The following PBX1 variants were observed in gnomAD, a reference collection of about 807,000 sequenced individuals.
PBX1 encodes the protein PBX homeobox 1.
Under a neutral mutation model 53.4 loss-of-function variants are expected in PBX1, and 6 were observed. The ratio of observed to expected loss-of-function variants is 0.11; its 90% CI spans 0.06 to 0.22. The LOEUF is 0.22. Ranked by LOEUF, PBX1 falls within the 10% of genes least tolerant of loss-of-function variation. PBX1 has a pLI of 1.00. For missense variants in PBX1, 251 were observed against 551.4 expected (o/e 0.46, Z 5.46); for synonymous variants, 204 against 212.3 (o/e 0.96, Z 0.34).
intron 1 of PBX1, among the ~76,000 whole-genome samples, chr1:164,562,195 A>G (rs1653102871): frequency 6.6e-6 from 1 of 152,102 alleles, no homozygotes; most frequent in Non-Finnish European, 1.5e-5. Flanking sequence ...TACATAGGGC[A>G]TGTTTCTGAT....
At chr1:164,807,811 G>GCTTACCTTGA in intron 5 of PBX1, 134 bp downstream of exon 5, 2 of 1,013,102 alleles carry the variant, frequency 2.0e-6, no homozygotes, top group Non-Finnish European at 2.9e-6. Flanking sequence ...AAATATCAAG[G>GCTTACCTTGA]TAAGCACTTG....
intron 2 of PBX1, among the ~76,000 whole-genome samples, chr1:164,873,715 C>T (rs981627167): frequency 2.0e-5 from 3 of 152,188 alleles, no homozygotes; most frequent in African/African-American, 7.2e-5. Context: ...CCGCACATGT[C>T]TTTTCCAGTT....
chr1:164,762,528 A>C (rs1408081505), intron 2 of PBX1, among the ~76,000 whole-genome samples: 1 of 152,230 alleles, frequency 6.6e-6, no homozygotes, highest in Non-Finnish European at 1.5e-5. Context: ...GCTTATGATA[A>C]CCCACCTTCT....
At chr1:164,780,248 G>A (rs1161039602) in intron 2 of PBX1, among the ~76,000 whole-genome samples, 2 of 152,282 alleles carry the variant, frequency 1.3e-5, no homozygotes, top group South Asian at 2.1e-4. Flanking sequence ...AAAAAAGCCC[G>A]TCTGAAAATC....
intron 2 of PBX1, among the ~76,000 whole-genome samples, chr1:164,776,981 A>AGAGAGGGGGGG (rs1667701639): frequency 6.6e-5 from 1 of 15,042 alleles, no homozygotes. Flanking sequence ...GAGAGAGAGG[A>AGAGAGGGGGGG]GGTGTGGGGG....
intron 2 of PBX1, among the ~76,000 whole-genome samples, chr1:164,776,242 A>G (rs1667638063): frequency 6.6e-6 from 1 of 152,188 alleles, no homozygotes; most frequent in South Asian, 2.1e-4. Context: ...GTTCCTTCCC[A>G]GGTACCTTTC....
intron 2 of PBX1, among the ~76,000 whole-genome samples, chr1:164,784,790 C>T (rs1488842577): frequency 2.6e-5 from 4 of 152,190 alleles, no homozygotes; most frequent in African/African-American, 9.7e-5. Context: ...TTGAGGGCCG[C>T]AAATTCTTGC....
chr1:164,703,244 G>C (rs1306655166), intron 2 of PBX1: 1 of 152,126 alleles, frequency 6.6e-6, no homozygotes, highest in African/African-American at 2.4e-5. Context: ...CAGAATTCTT[G>C]GGCTGGAGTG....
At chr1:164,710,558 T>C (rs1332116422) in intron 2 of PBX1, among the ~76,000 whole-genome samples, 11 of 152,068 alleles carry the variant, frequency 7.2e-5, no homozygotes. Flanking sequence ...AATACTGGCA[T>C]GCACCACCAC....
At chr1:164,756,177 A>G (rs917163047) in intron 2 of PBX1, among the ~76,000 whole-genome samples, 6 of 152,130 alleles carry the variant, frequency 3.9e-5, no homozygotes, top group Non-Finnish European at 8.8e-5. Flanking sequence ...GATGTAAGCC[A>G]TCATTGTCAT....
At chr1:164,679,956 G>A (rs773201222) in intron 2 of PBX1, 14 of 152,012 alleles carry the variant, frequency 9.2e-5, no homozygotes, top group Non-Finnish European at 1.6e-4. Context: ...AAAACTGACT[G>A]ATGTGATCTT....
chr1:164,672,872 A>C (rs533534706), intron 2 of PBX1, among the ~76,000 whole-genome samples: 2 of 152,148 alleles, frequency 1.3e-5, no homozygotes, highest in Non-Finnish European at 2.9e-5. Flanking sequence ...CATCTGGTAA[A>C]TATGTAACCA....
chr1:164,639,020 T>G (rs1469546952), intron 2 of PBX1, among the ~76,000 whole-genome samples: 2 of 152,184 alleles, frequency 1.3e-5, no homozygotes, highest in Middle Eastern at 3.2e-3. Flanking sequence ...AGGCTTGGCA[T>G]CAGAAGGCCT....
rs1437188912 is a variant in PBX1 at position 164,850,570 on chromosome 1, A to G, written c.*3894A>G. 5.2e-6 allele frequency: 1 copy of G among 191,876 alleles called. No individual in the cohort carries two copies. The highest frequency in any genetic ancestry group is 1.1e-5 in the Non-Finnish European group (1 of 91,824). 11.9% of individuals were successfully genotyped at this position (191,876 alleles called of 1,614,324 possible). On this transcript the variant is annotated 3_prime_UTR_variant, in exon 9 of 9. Transcript: ENST00000420696. ...CTTGCTGTTTTTCTTCAATATGTAT[A>G]CAAGGTGATGTGAAAAGATGACTTG... is the stretch of plus-strand genomic sequence containing the variant.
At chr1:164,795,398 TAAA>T (rs1480581684) in intron 3 of PBX1, among the ~76,000 whole-genome samples, 1 of 152,208 alleles carries the variant, frequency 6.6e-6, no homozygotes, top group Non-Finnish European at 1.5e-5. Flanking sequence ...AGGGTTGTGA[TAAA>T]AATATTCTCT....
chr1:164,858,389 G>T (rs976348421), intron 2 of PBX1, among the ~76,000 whole-genome samples: 1 of 151,728 alleles, frequency 6.6e-6, no homozygotes, highest in African/African-American at 2.4e-5. Flanking sequence ...ATAAACAAGG[G>T]CCTCATTCCT....
intron 2 of PBX1, among the ~76,000 whole-genome samples, chr1:164,723,517 A>G (rs542844619): frequency 1.3e-5 from 2 of 152,312 alleles, no homozygotes; most frequent in East Asian, 3.9e-4. Flanking sequence ...TAGATAGATG[A>G]ATATACAAAC....
chr1:164,731,135 T>C (rs573791241), intron 2 of PBX1, among the ~76,000 whole-genome samples: 2 of 152,290 alleles, frequency 1.3e-5, no homozygotes, highest in Admixed American at 1.3e-4. Flanking sequence ...TTCTGACATA[T>C]GGGCAACAGG....
intron 2 of PBX1, among the ~76,000 whole-genome samples, chr1:164,606,078 G>A (rs1656526864): frequency 6.6e-6 from 1 of 152,202 alleles, no homozygotes; most frequent in Non-Finnish European, 1.5e-5. Flanking sequence ...TGTGGGTAGT[G>A]TAAGAGCAAT....
Sources: allele counts gnomAD v4.1 joint callset (sites outside exome capture counted in the v4.1 genomes callset), GRCh38; gene constraint gnomAD v4.1.1; transcripts MANE v1.5; gene names NCBI Gene and HGNC (gene_info 2026-07-23, HGNC 2026-07-21).